Variants in TPCN2 observed in about 807,000 individuals in gnomAD.
TPCN2 encodes two pore segment channel 2.
In TPCN2, 92 loss-of-function variants were observed where a neutral mutation model predicts 111.4. The observed-to-expected ratio is 0.83, with a 90% CI of 0.70 to 0.98. The LOEUF is 0.98. TPCN2 is among the 50% of genes least tolerant of loss of function. The pLI, the probability that TPCN2 is intolerant of heterozygous loss-of-function variation, is 0.00. For synonymous variants in TPCN2, 405 were observed against 414.5 expected (o/e 0.98, Z 0.28); for missense variants, 995 against 980.1 (o/e 1.02, Z -0.20).
rs1565091261 is a variant in TPCN2, at chr11:69,076,702, CGTGTCCCTCCACCTGCCCTCCTGCT to C, written c.1231-1730_1231-1706del. Among the ~76,000 whole-genome samples, 6 of 31,102 alleles carry C rather than the reference CGTGTCCCTCCACCTGCCCTCCTGCT, an allele frequency of 1.9e-4. 1 individual carries two copies. Among genetic ancestry groups the C allele is most frequent in the African/African-American group, 3.9e-4 (2 of 5,126 alleles). 20.4% of individuals were successfully genotyped at this position (31,102 alleles called of 152,430 possible). ...CGTGTCCCTCCACCTGCCCTCCTGC[CGTGTCCCTCCACCTGCCCTCCTGCT>C]GTGTCCCTCCACCTGCCCTCCTGCT... On this transcript the variant is annotated intron_variant, in intron 13 of 24. Transcript: ENST00000294309.
Position 69,087,864 on chromosome 11 carries a change from C to T in TPCN2, c.2181-11C>T, listed in dbSNP as rs12416746. ...AGAGGCCCCTGTGTGCATCTTTCCT[C>T]AATTCCACAGGGATATTCTGGAGGA... On this transcript the variant is annotated splice_polypyrimidine_tract_variant and intron_variant, in intron 24 of 24. Coordinates refer to ENST00000294309, the MANE Select transcript of TPCN2 (RefSeq NM_139075.4). 2.7e-4 allele frequency: 438 copies of T among 1,611,138 alleles called. No homozygotes were observed. Among genetic ancestry groups the T allele is most frequent in the Non-Finnish European group, 3.6e-4 (424 of 1,178,862 alleles).
intron 9 of TPCN2, 111 bp downstream of exon 9, chr11:69,070,606 C>G (rs1234358625): frequency 1.2e-6 from 1 of 803,642 alleles, no homozygotes; most frequent in Non-Finnish European, 2.0e-6. Flanking sequence ...TTTTTCACTC[C>G]AGAGATCACC....
intron 17 of TPCN2, 119 bp downstream of exon 17, chr11:69,080,002 C>A: frequency 1.1e-6 from 1 of 895,744 alleles, no homozygotes. Context: ...GGGCAGACCC[C>A]GTGATGGTGG....
intron 13 of TPCN2, among the ~76,000 whole-genome samples, chr11:69,075,021 C>T (rs894256457): frequency 2.0e-5 from 3 of 152,190 alleles, no homozygotes; most frequent in Non-Finnish European, 4.4e-5. Context: ...ATTGCTTTGG[C>T]CGTGACCCAG....
chr11:69,061,255 T>C (rs1590714476), intron 5 of TPCN2, among the ~76,000 whole-genome samples: 2 of 152,102 alleles, frequency 1.3e-5, no homozygotes, highest in Non-Finnish European at 2.9e-5. Flanking sequence ...GCCGGCCGGC[T>C]GGGCAGACAC....
intron 1 of TPCN2, among the ~76,000 whole-genome samples, chr11:69,052,434 C>T (rs1237497659): frequency 6.6e-6 from 1 of 152,108 alleles, no homozygotes; most frequent in Non-Finnish European, 1.5e-5. Context: ...CTGTTCATAG[C>T]GATCCCAGGA....
intron 22 of TPCN2, 120 bp from the exon 23 acceptor site, chr11:69,086,403 A>G: frequency 1.2e-6 from 1 of 823,908 alleles, no homozygotes; most frequent in Non-Finnish European, 2.1e-6. Flanking sequence ...CGCGCTCTGC[A>G]TCATGGTGTG....
intron 7 of TPCN2, among the ~76,000 whole-genome samples, chr11:69,066,527 A>ATTTTTTTTTTTTTTTTTTTTT (rs1855280187): frequency 1.3e-5 from 2 of 152,288 alleles, no homozygotes; most frequent in Non-Finnish European, 1.5e-5. Context: ...GGACAGTGCC[A>ATTTTTTTTTTTTTTTTTTTTT]TTTTATAGGT....
rs147715936 is a variant in TPCN2, at chr11:69,072,191, G to A, written c.1061+168G>A. ...TGTCCCTGGCGCTCTGTGGTTCCCG[G>A]CGTCCTTGTCCTGAGTCCATGCCTT... On this transcript the variant is annotated intron_variant, in intron 11 of 24. Coordinates refer to ENST00000294309, the MANE Select transcript of TPCN2 (RefSeq NM_139075.4). 7.3e-3 allele frequency among the ~76,000 whole-genome samples: 1,107 copies of A among 152,296 alleles called. 15 individuals are homozygous for A. The highest frequency in any genetic ancestry group is 0.025 in the African/African-American group (1,028 of 41,574).
intron 5 of TPCN2, among the ~76,000 whole-genome samples, chr11:69,061,972 G>A (rs1478128327): frequency 2.0e-5 from 3 of 151,914 alleles, no homozygotes; most frequent in South Asian, 2.1e-4. Context: ...TCTGTTTTGC[G>A]TGTCCATAAA....
intron 10 of TPCN2, 36 bp downstream of exon 10, chr11:69,071,456 C>T: frequency 6.3e-7 from 1 of 1,595,052 alleles, no homozygotes; most frequent in East Asian, 2.2e-5. Context: ...GTGCCTGGAG[C>T]TGCCGGGAGG....
At chr11:69,085,412 C>G (rs1856228660) in intron 20 of TPCN2, 126 bp downstream of exon 20, 1 of 967,336 alleles carries the variant, frequency 1.0e-6, no homozygotes, top group African/African-American at 1.6e-5. Flanking sequence ...GTTCCTTCGT[C>G]TCCTCCCTCC....
At chr11:69,065,486 T>C (rs759536216) in intron 7 of TPCN2, among the ~76,000 whole-genome samples, 22 of 152,190 alleles carry the variant, frequency 1.4e-4, no homozygotes, top group Non-Finnish European at 2.6e-4. Context: ...GTGTGAGGGG[T>C]GCGTGCTTGT....
intron 6 of TPCN2, 92 bp downstream of exon 6, chr11:69,063,082 A>T (rs1289457416): frequency 1.8e-6 from 2 of 1,122,564 alleles, no homozygotes; most frequent in Non-Finnish European, 2.7e-6. Context: ...CCGGAGTCTC[A>T]TCTTGGACTG....
intron 16 of TPCN2, 80 bp downstream of exon 16, chr11:69,079,100 G>T: frequency 6.6e-7 from 1 of 1,510,784 alleles, no homozygotes; most frequent in South Asian, 1.3e-5. Flanking sequence ...GCCCATCTCA[G>T]GCCTCCCCTG....
rs747682582 is a variant in TPCN2, at chr11:69,085,875, A to G, written c.1948A>G (p.Met650Val). The G allele has an allele frequency of 1.2e-6, 2 of 1,613,968 alleles. No homozygotes were observed. Among genetic ancestry groups the G allele is most frequent in the African/African-American group, 1.3e-5 (1 of 74,914 alleles). ...AAALVTLWNLMVVNNWQVFLD... is the reference protein window; with the variant it reads ...AAALVTLWNLVVVNNWQVFLD... ...TGCCCTGGTCACTCTGTGGAACTTGATGGTGGTGAACAACTGGCAGGTGTT... is the reference window on the plus strand; with the variant it reads ...TGCCCTGGTCACTCTGTGGAACTTGGTGGTGGTGAACAACTGGCAGGTGTT... The change falls in exon 22 of 25, where the codon ATG (methionine) becomes GTG (valine). Residue 650 changes from methionine to valine, a missense_variant. Coordinates refer to ENST00000294309, the MANE Select transcript of TPCN2 (RefSeq NM_139075.4).
rs751932436 is a variant in TPCN2 at position 69,084,052 on chromosome 11, A to G, written c.1761+36A>G. ...GGCTGCTGCTGGTGGCGGGTTATGC[A>G]CTGGAGTGGGAGGCTGGGAGGCTGG... On this transcript the variant is annotated intron_variant, in intron 19 of 24. Transcript: ENST00000294309. 6 of 1,604,802 alleles carry G rather than the reference A, an allele frequency of 3.7e-6. No individual in the cohort carries two copies. The South Asian group carries it at 4.4e-5, about 12-fold the overall frequency.
At chr11:69,059,256 C>T (rs956682892) in intron 5 of TPCN2, among the ~76,000 whole-genome samples, 3 of 151,454 alleles carry the variant, frequency 2.0e-5, no homozygotes, top group Non-Finnish European at 4.4e-5. Context: ...GCCCTCCCTG[C>T]TGTTCTCAGT....
chr11:69,065,687 A>G (rs1429766431), intron 7 of TPCN2, among the ~76,000 whole-genome samples: 1 of 152,152 alleles, frequency 6.6e-6, no homozygotes, highest in Non-Finnish European at 1.5e-5. Flanking sequence ...TGCGGTCCAG[A>G]GCCAGCCTGC....
Sources: gnomAD v4.1 joint callset for allele counts (sites outside exome capture counted in the v4.1 genomes callset) on GRCh38, gnomAD v4.1.1 for gene constraint, MANE v1.5 for transcripts, NCBI Gene and HGNC (gene_info 2026-07-23, HGNC 2026-07-21) for gene names.